Variants in ETAA1 observed in about 807,000 individuals in gnomAD.
The protein encoded by ETAA1 is ewing's tumor-associated antigen 1.
ETAA1 carries 49 observed loss-of-function variants against 76.8 expected under a neutral mutation model. The observed-to-expected ratio is 0.64, with a 90% CI of 0.51 to 0.81. The LOEUF is 0.81. Among genes scored for constraint, ETAA1 ranks in the 30% least tolerant of loss-of-function variants. ETAA1 has a pLI of 0.00. For missense variants in ETAA1, 1,099 were observed against 1,074.0 expected, an observed-to-expected ratio of 1.02 and a Z score of -0.32; for synonymous variants, 373 against 372.2, an observed-to-expected ratio of 1.00 and a Z score of -0.03.
intron 5 of ETAA1, among the ~76,000 whole-genome samples, chr2:67,408,177 C>T (rs895328083): frequency 6.6e-6 from 1 of 151,998 alleles, no homozygotes; most frequent in Non-Finnish European, 1.5e-5. Flanking sequence ...AAGCTGCTCT[C>T]CAGGGAAGTA....
rs1213075655 is a variant in ETAA1, at chr2:67,397,498, C to T, written c.50C>T (p.Pro17Leu). The part of the protein sequence containing the change: ...HDDSPSPKKT[P>L]HKTVAAEECG... ...GACAGCCCTAGCCCGAAGAAAACGC[C>T]GCACAAAACAGTGGCGGCGGAGGAA... Residue 17 changes from proline (P) to leucine (L), a missense_variant, in exon 1 of 6, where the codon CCG becomes CTG. Physicochemically the swap from Pro to Leu is moderately conservative, Grantham distance 98. Around this residue, in one of 3 missense-constraint regions of ETAA1, gnomAD observed 761 missense variants for 731.9 expected, o/e 1.04. Coordinates refer to ENST00000272342, the MANE Select transcript of ETAA1 (RefSeq NM_019002.4). 5 of 1,602,800 alleles carry T rather than the reference C, an allele frequency of 3.1e-6. No homozygotes were observed. The African/African-American group carries it at 5.4e-5, about 17-fold the overall frequency.
chr2:67,401,311 T>G (rs1676050407), intron 3 of ETAA1: 1 of 152,046 alleles, frequency 6.6e-6, no homozygotes, highest in South Asian at 2.1e-4. Flanking sequence ...CTTATATTGT[T>G]TATTTTTAGG....
In ETAA1 at chr2:67,403,470, T is replaced by C; in HGVS notation, c.788T>C (p.Val263Ala). 2 of 1,613,364 alleles carry C rather than the reference T, an allele frequency of 1.2e-6. No individual in the cohort carries two copies. Among genetic ancestry groups the C allele is most frequent in the Non-Finnish European group, 1.7e-6 (2 of 1,179,414 alleles). ...ATCAAAGGAAACACCAAGATATCTG[T>C]GGCAAATAATCAAAATAGCAGTCAG... is the stretch of plus-strand genomic sequence containing the variant. Reference protein sequence around the residue: ...KPIKGNTKISVANNQNSSQKP... With the variant: ...KPIKGNTKISAANNQNSSQKP... Residue 263 changes from valine (V) to alanine (A), a missense_variant, in exon 5 of 6, where the codon GTG (valine) becomes GCG (alanine). By Grantham distance (64) the Val-to-Ala change is moderately conservative. This residue lies in a region of ETAA1 where 761 missense variants were observed against 731.9 expected (regional missense o/e 1.04). Coordinates refer to ENST00000272342, the MANE Select transcript of ETAA1 (RefSeq NM_019002.4).
chr2:67,402,814 G>GATGCT (rs1676091872), intron 3 of ETAA1, 48 bp from the exon 4 acceptor site: 1 of 1,172,414 alleles, frequency 8.5e-7, no homozygotes, highest in Admixed American at 2.8e-5. Flanking sequence ...GAAGACGGGG[G>GATGCT]ATGCTACACT....
rs769855388 is a variant in ETAA1, at chr2:67,404,272, T to C, written c.1590T>C (p.Asn530=). 6.2e-7 allele frequency: 1 copy of C among 1,612,238 alleles called. No individual in the cohort carries two copies. The highest frequency in any genetic ancestry group is 1.3e-5 in the African/African-American group (1 of 74,922). Residue 530 remains asparagine, a synonymous_variant, in exon 5 of 6, where the codon AAT becomes AAC. Coordinates refer to ENST00000272342, the MANE Select transcript of ETAA1 (RefSeq NM_019002.4). ...CAGCTTTGAACACAAGGTATTCTAA[T>C]GAACAGAAAAATAAGTGCATTTTAA... ...RKSALNTRYS[N]EQKNKCILNQ... is the part of the protein sequence containing the mutation.
Position 67,402,912 on chromosome 2 carries a change from T to C in ETAA1, c.480T>C (p.Thr160=). The change falls in exon 4 of 6, where the codon ACT becomes ACC. Residue 160 remains threonine (T), a synonymous_variant. Transcript: ENST00000272342. Reference sequence around the variant, plus strand: ...TGCTGGACATGTGGATTGGTGAAACTGCTATTCCTTGTACTCCCAGTGTAG... The same window carrying C: ...TGCTGGACATGTGGATTGGTGAAACCGCTATTCCTTGTACTCCCAGTGTAG... The part of the protein sequence containing the change: ...NSMLDMWIGE[T]AIPCTPSVAK... 2 of 1,607,826 alleles carry C rather than the reference T, an allele frequency of 1.2e-6. No individual in the cohort carries two copies. The highest frequency in any genetic ancestry group is 1.7e-6 in the Non-Finnish European group (2 of 1,176,752).
intron 5 of ETAA1, among the ~76,000 whole-genome samples, chr2:67,407,144 T>C (rs767745119): frequency 1.3e-5 from 2 of 151,650 alleles, no homozygotes; most frequent in Non-Finnish European, 2.9e-5. Flanking sequence ...AATAATTCTC[T>C]ACACCCAAGG....
chr2:67,406,043 C>T (rs186056164), intron 5 of ETAA1, among the ~76,000 whole-genome samples: 6 of 152,134 alleles, frequency 3.9e-5, no homozygotes, highest in Non-Finnish European at 7.4e-5. Context: ...GTGGAATAGC[C>T]TTTTAAAATT....
At position 67,409,901 on chromosome 2, in the gene ETAA1, G is replaced by A; in HGVS notation, c.2654-10G>A. The A allele has an allele frequency of 6.3e-7, 1 of 1,582,220 alleles. No individual in the cohort carries two copies. The highest frequency in any genetic ancestry group is 2.3e-5 in the East Asian group (1 of 44,164). Reference sequence around the variant, plus strand: ...ATAAAAGTAAAACTCATCTTTTGTTGAATTTTTAGAGGAAGAAGAGAAAAA... The same window carrying A: ...ATAAAAGTAAAACTCATCTTTTGTTAAATTTTTAGAGGAAGAAGAGAAAAA... On this transcript the variant is annotated splice_polypyrimidine_tract_variant and intron_variant, in intron 5 of 5. Transcript: ENST00000272342.
At position 67,403,477 on chromosome 2, in the gene ETAA1, T is replaced by C. The variant is rs1286588323; in HGVS notation, c.795T>C (p.Asn265=). 1 of 1,613,196 alleles carries C rather than the reference T, an allele frequency of 6.2e-7. No homozygotes were observed. Among genetic ancestry groups the C allele is most frequent in the Admixed American group, 1.7e-5 (1 of 59,944 alleles). ...GAAACACCAAGATATCTGTGGCAAA[T>C]AATCAAAATAGCAGTCAGAAGCCAT... ...IKGNTKISVA[N]NQNSSQKPFD... The change falls in exon 5 of 6, where the codon AAT becomes AAC. Residue 265 remains asparagine, a synonymous_variant. Transcript: ENST00000272342.
At chr2:67,409,888 C>A in intron 5 of ETAA1, 23 bp from the exon 6 acceptor site, 1 of 1,576,712 alleles carries the variant, frequency 6.3e-7, no homozygotes, top group Non-Finnish European at 8.6e-7. Flanking sequence ...AAAAGTAAAA[C>A]TCATCTTTTG....
rs1346648504 is a variant in ETAA1, at chr2:67,402,846, T to TC, written c.430-13dup. 1.3e-6 allele frequency: 2 copies of TC among 1,562,548 alleles called. No individual in the cohort carries two copies. The highest frequency in any genetic ancestry group is 8.7e-7 in the Non-Finnish European group (1 of 1,154,828). On this transcript the variant is annotated splice_polypyrimidine_tract_variant and intron_variant, in intron 3 of 5. Coordinates refer to ENST00000272342, the MANE Select transcript of ETAA1 (RefSeq NM_019002.4). ...CACTGGTACTTTATACCTCTTTTTT[T>TC]CCCTATCTGCCAAAGGATGAAAAAC...
chr2:67,404,054 G>C lies in ETAA1; in HGVS notation c.1372G>C (p.Asp458His), dbSNP rs775250927. ...AAAGACATATGACAGAGAATTAATA[G>C]ATGCAGAATATAGATTTTCACCAAA... ...SSKTYDRELI[D>H]AEYRFSPNSN... Residue 458 changes from aspartate (D) to histidine (H), a missense_variant, in exon 5 of 6, where the codon GAT (aspartate) becomes CAT (histidine). Coordinates refer to ENST00000272342, the MANE Select transcript of ETAA1 (RefSeq NM_019002.4). The C allele has an allele frequency of 1.3e-5, 21 of 1,604,476 alleles. No homozygotes were observed. Among genetic ancestry groups the C allele is most frequent in the Non-Finnish European group, 1.7e-6 (2 of 1,176,058 alleles).
rs1222993554 is a variant in ETAA1 at position 67,411,767 on chromosome 2, A to C, written c.*1729A>C. 6.6e-6 allele frequency: 1 copy of C among 152,078 alleles called. No homozygotes were observed. Among genetic ancestry groups the C allele is most frequent in the African/African-American group, 2.4e-5 (1 of 41,424 alleles). The allele number at this position is 152,078 out of a possible 1,614,324, so 9.4% of individuals were successfully genotyped here. ...GCTAACCTATATTATTTTTCCAGGA[A>C]TATATAATAACCTAGATAAATGCAA... On this transcript the variant is annotated 3_prime_UTR_variant, in exon 6 of 6. Coordinates refer to ENST00000272342, the MANE Select transcript of ETAA1 (RefSeq NM_019002.4).
chr2:67,397,819 A>G (rs970092094), intron 1 of ETAA1, 148 bp downstream of exon 1: 5 of 788,336 alleles, frequency 6.3e-6, no homozygotes, highest in Middle Eastern at 3.6e-4. Flanking sequence ...AAATAATCCT[A>G]TACCACTCCC....
chr2:67,410,463 A>T lies in ETAA1; in HGVS notation c.*425A>T, dbSNP rs1676344013. On this transcript the variant is annotated 3_prime_UTR_variant, in exon 6 of 6. Coordinates refer to ENST00000272342, the MANE Select transcript of ETAA1 (RefSeq NM_019002.4). ...ATTAACTGTTGCTTAAGGTTTTTATACACTTCCAGATTTTAATTAATACTT... is the reference window on the plus strand; with the variant it reads ...ATTAACTGTTGCTTAAGGTTTTTATTCACTTCCAGATTTTAATTAATACTT... The T allele has an allele frequency of 6.5e-6, 1 of 153,138 alleles. No homozygotes were observed. The highest frequency in any genetic ancestry group is 1.5e-5 in the Non-Finnish European group (1 of 68,748). The allele number at this position is 153,138 out of a possible 1,614,324, so 9.5% of individuals were successfully genotyped here. A position where few individuals can be genotyped will look rare whatever the true frequency, so the allele number is the denominator to read the frequency against.
At position 67,399,209 on chromosome 2, in the gene ETAA1, A is replaced by G. The variant is rs1278020115; in HGVS notation, c.264A>G (p.Ser88=). Residue 88 remains serine, a synonymous_variant, in exon 2 of 6, where the codon TCA becomes TCG. Coordinates refer to ENST00000272342, the MANE Select transcript of ETAA1 (RefSeq NM_019002.4). ...ETPKRALKMD[S]LSSSFSSPND... ...CAAAGAGAGCGCTGAAAATGGACTC[A>G]CTGTCATCTTCCTTCAGTTCTCCTA... 6.2e-7 allele frequency: 1 copy of G among 1,613,324 alleles called. No individual in the cohort carries two copies. The highest frequency in any genetic ancestry group is 8.5e-7 in the Non-Finnish European group (1 of 1,179,428).
rs1202720366 is a variant in ETAA1 at position 67,404,142 on chromosome 2, A to G, written c.1460A>G (p.Lys487Arg). 1 of 1,591,038 alleles carries G rather than the reference A, an allele frequency of 6.3e-7. No individual in the cohort carries two copies. Among genetic ancestry groups the G allele is most frequent in the Admixed American group, 1.9e-5 (1 of 53,424 alleles). The change falls in exon 5 of 6, where the codon AAA (lysine) becomes AGA (arginine). Residue 487 changes from lysine to arginine, a missense_variant. This residue lies in a region of ETAA1 where 761 missense variants were observed against 731.9 expected (regional missense o/e 1.04). Coordinates refer to ENST00000272342, the MANE Select transcript of ETAA1 (RefSeq NM_019002.4). ...ATGAAATTTGAGAACTCTTCCAATA[A>G]AATTGTTATTCAAGACGAAATTCAA... ...NKMKFENSSN[K>R]IVIQDEIQNC...
Position 67,404,299 on chromosome 2 carries a change from T to A in ETAA1, c.1617T>A (p.Asn539Lys), listed in dbSNP as rs1311804772. The change falls in exon 5 of 6, where the codon AAT becomes AAA. Residue 539 changes from asparagine (N) to lysine (K), a missense_variant. By Grantham distance (94) the Asn-to-Lys change is moderately conservative. This residue lies in a region of ETAA1 where 761 missense variants were observed against 731.9 expected (regional missense o/e 1.04). Transcript: ENST00000272342. ...SNEQKNKCIL[N>K]QSIKAPVNTD... is the part of the protein sequence containing the mutation. The stretch of plus-strand genomic sequence containing the variant: ...AACAGAAAAATAAGTGCATTTTAAA[T>A]CAGTCTATTAAAGCCCCTGTTAATA... 1.9e-6 allele frequency: 3 copies of A among 1,612,186 alleles called. No individual in the cohort carries two copies. The Admixed American group carries it at 5.0e-5, about 27-fold the overall frequency.
Sources: gnomAD v4.1 joint callset for allele counts (sites outside exome capture counted in the v4.1 genomes callset) on GRCh38, gnomAD v4.1.1 for gene constraint, gnomAD v4.1.1 regional missense constraint, MANE v1.5 for transcripts, NCBI Gene and HGNC (gene_info 2026-07-23, HGNC 2026-07-21) for gene names.